NPC2: variants seen among roughly 807,000 people sequenced by gnomAD.
The protein encoded by NPC2 is NPC intracellular cholesterol transporter 2.
Under a neutral mutation model 17.0 loss-of-function variants are expected in NPC2, and 14 were observed. That is an observed-to-expected ratio of 0.82 (90% CI 0.54 to 1.29). The LOEUF (loss-of-function observed/expected upper bound fraction) is 1.29. Ranked by LOEUF, NPC2 falls within the 50% of genes most tolerant of loss-of-function variation. The pLI, the probability that NPC2 is intolerant of heterozygous loss-of-function variation, is 0.00. For synonymous variants in NPC2, 75 were observed against 69.3 expected, an observed-to-expected ratio of 1.08 and a Z score of -0.41; for missense variants, 167 against 183.4, an observed-to-expected ratio of 0.91 and a Z score of 0.52.
At chr14:74,482,877 G>A (rs1430641168) in intron 3 of NPC2, 4 of 430,998 alleles carry the variant, frequency 9.3e-6, no homozygotes, top group Non-Finnish European at 1.7e-5. Flanking sequence ...AGCAGGAGCC[G>A]CAGCTGGGAG....
intron 3 of NPC2, among the ~76,000 whole-genome samples, chr14:74,483,957 T>A (rs915034887): frequency 6.6e-6 from 1 of 152,216 alleles, no homozygotes; most frequent in African/African-American, 2.4e-5. Flanking sequence ...TTAAAAATTA[T>A]GGAATATCCT....
intron 2 of NPC2, among the ~76,000 whole-genome samples, chr14:74,485,319 A>G (rs1253625197): frequency 7.0e-6 from 1 of 143,366 alleles, no homozygotes; most frequent in Non-Finnish European, 1.5e-5. Flanking sequence ...AAAAAAAAAA[A>G]AAAAAGAAAT....
Position 74,480,040 on chromosome 14 carries a change from C to T in NPC2, c.*234G>A, listed in dbSNP as rs925782086. ...TGTTGTTAAAAAAAAAATTAAACAT[C>T]TGCTAACCAAGTGCTGCATTTAATG... On this transcript the variant is annotated 3_prime_UTR_variant, in exon 5 of 5. Transcript: ENST00000555619. The T allele has an allele frequency of 4.7e-6, 7 of 1,489,356 alleles. No individual in the cohort carries two copies. The African/African-American group carries it at 5.7e-5, about 12-fold the overall frequency. 92.3% of individuals were successfully genotyped at this position (1,489,356 alleles called of 1,614,324 possible).
At chr14:74,483,698 T>C (rs1214400227) in intron 3 of NPC2, among the ~76,000 whole-genome samples, 1 of 152,256 alleles carries the variant, frequency 6.6e-6, no homozygotes, top group Non-Finnish European at 1.5e-5. Context: ...CTGCTCTGTG[T>C]ATATCTCTTG....
intron 1 of NPC2, among the ~76,000 whole-genome samples, chr14:74,490,848 C>T (rs1454675913): frequency 6.6e-6 from 1 of 152,212 alleles, no homozygotes; most frequent in African/African-American, 2.4e-5. Context: ...GTAACTGAAA[C>T]CCTTCTTCCC....
chr14:74,481,728 C>T (rs530513360), intron 3 of NPC2, among the ~76,000 whole-genome samples: 6 of 152,326 alleles, frequency 3.9e-5, no homozygotes, highest in South Asian at 4.1e-4. Flanking sequence ...TTTCAGTTAA[C>T]GCCCTTAAAC....
Position 74,493,171 on chromosome 14 carries a change from C to G in NPC2, c.82+22G>C, listed in dbSNP as rs778491174. 4.9e-5 allele frequency: 79 copies of G among 1,597,966 alleles called. 1 individual carries two copies. The highest frequency in any genetic ancestry group is 1.2e-4 in the South Asian group (11 of 88,306). On this transcript the variant is annotated intron_variant, in intron 1 of 4. Coordinates refer to ENST00000555619, the MANE Select transcript of NPC2 (RefSeq NM_006432.5). This position sits in a 1 kb window ranked among gnomAD's most constrained non-coding sequence, Gnocchi z 4.1. Reference sequence around the variant, plus strand: ...GGCCTTCCACAGAGGGCGCGGGAACCTTGGGCGGGCCTGGGGCTCACCGCA... The same window carrying G: ...GGCCTTCCACAGAGGGCGCGGGAACGTTGGGCGGGCCTGGGGCTCACCGCA...
intron 2 of NPC2, among the ~76,000 whole-genome samples, 182 bp from the exon 3 acceptor site, chr14:74,484,769 A>C (rs930718744): frequency 9.9e-5 from 15 of 150,954 alleles, no homozygotes; most frequent in African/African-American, 3.4e-4. Flanking sequence ...AAAAAAAAAA[A>C]AAAAAAAAAC....
At chr14:74,491,907 A>T (rs147491052) in intron 1 of NPC2, among the ~76,000 whole-genome samples, 1 of 152,178 alleles carries the variant, frequency 6.6e-6, no homozygotes, top group Non-Finnish European at 1.5e-5. Context: ...TTGTAGGACT[A>T]ACAAATTAGC....
chr14:74,492,888 T>C (rs1299930547), intron 1 of NPC2, among the ~76,000 whole-genome samples: 1 of 152,246 alleles, frequency 6.6e-6, no homozygotes, highest in African/African-American at 2.4e-5. Flanking sequence ...CCACCAGAGC[T>C]GGATACAGCC....
At chr14:74,481,760 A>G (rs148142744) in intron 3 of NPC2, among the ~76,000 whole-genome samples, 1 of 152,250 alleles carries the variant, frequency 6.6e-6, no homozygotes. Flanking sequence ...AATGTACTTC[A>G]TCAGAAATCC....
chr14:74,481,760 A>C (rs148142744), intron 3 of NPC2, among the ~76,000 whole-genome samples: 1 of 152,368 alleles, frequency 6.6e-6, no homozygotes, highest in Non-Finnish European at 1.5e-5. Context: ...AATGTACTTC[A>C]TCAGAAATCC....
At chr14:74,484,670 G>C (rs1427124072) in intron 2 of NPC2, 83 bp from the exon 3 acceptor site, 5 of 1,291,598 alleles carry the variant, frequency 3.9e-6, no homozygotes, top group Non-Finnish European at 5.3e-6. Context: ...ATAATCCCAA[G>C]CAACAGCATT....
At chr14:74,486,191 G>T in intron 2 of NPC2, 138 bp downstream of exon 2, 1 of 839,426 alleles carries the variant, frequency 1.2e-6, no homozygotes, top group Non-Finnish European at 2.0e-6. Context: ...GTGAACCCTA[G>T]CTTTGCATGA....
intron 1 of NPC2, among the ~76,000 whole-genome samples, chr14:74,488,114 T>G (rs922665312): frequency 6.6e-6 from 1 of 152,234 alleles, no homozygotes; most frequent in Non-Finnish European, 1.5e-5. Context: ...GATGAAGGTC[T>G]GTCTCAAACT....
At chr14:74,485,373 C>T (rs951980446) in intron 2 of NPC2, among the ~76,000 whole-genome samples, 12 of 149,516 alleles carry the variant, frequency 8.0e-5, no homozygotes, top group Non-Finnish European at 8.9e-5. Context: ...AAACTTTACC[C>T]TCCACATCAC....
chr14:74,481,573 G>C (rs1321296738), intron 3 of NPC2, among the ~76,000 whole-genome samples: 2 of 152,204 alleles, frequency 1.3e-5, no homozygotes, highest in African/African-American at 4.8e-5. Flanking sequence ...ATGAAGAGCA[G>C]AGAGTAAAAA....
chr14:74,482,764 A>AGAG (rs1461675617), intron 3 of NPC2, among the ~76,000 whole-genome samples: 1 of 152,120 alleles, frequency 6.6e-6, no homozygotes, highest in Non-Finnish European at 1.5e-5. Context: ...AAATTTCTTC[A>AGAG]GCTGTAAAAT....
intron 4 of NPC2, 74 bp downstream of exon 4, chr14:74,480,628 G>T: frequency 8.2e-7 from 1 of 1,217,326 alleles, no homozygotes; most frequent in Non-Finnish European, 1.2e-6. Flanking sequence ...TTATGGCACT[G>T]ATTTAGTTTC....
Sources: allele counts gnomAD v4.1 joint callset (sites outside exome capture counted in the v4.1 genomes callset), GRCh38; gene constraint gnomAD v4.1.1; non-coding constraint Gnocchi (gnomAD v3.1); transcripts MANE v1.5; gene names NCBI Gene and HGNC (gene_info 2026-07-23, HGNC 2026-07-21).